POLK: variants seen among roughly 807,000 people sequenced by gnomAD.
POLK encodes the protein polymerase (DNA directed) kappa.
In POLK, 76 loss-of-function variants were observed where a neutral mutation model predicts 94.0. That is an observed-to-expected ratio of 0.81 (90% CI 0.67 to 0.98). POLK has a LOEUF of 0.98. Ranked by LOEUF, POLK falls within the 50% of genes least tolerant of loss-of-function variation. The pLI, the probability that POLK is intolerant of heterozygous loss-of-function variation, is 0.00. For missense variants in POLK, 954 were observed against 1,010.1 expected (o/e 0.94, Z 0.75); for synonymous variants, 349 against 325.4 (o/e 1.07, Z -0.78).
chr5:75,598,003 T>TAAA, exon 15 of POLK: 1 of 1,310,020 alleles, frequency 7.6e-7, no homozygotes. Flanking sequence ...ATACCCTTGA[T>TAAA]ATATTTTTTA....
chr5:75,583,084 G>C (rs1190415683), intron 7 of POLK: 1 of 365,776 alleles, frequency 2.7e-6, no homozygotes, highest in African/African-American at 2.1e-5. Context: ...CATTTTTGCT[G>C]CCACAATGAC....
intron 1 of POLK, among the ~76,000 whole-genome samples, chr5:75,529,683 T>C (rs1387056801): frequency 6.6e-6 from 1 of 152,126 alleles, no homozygotes; most frequent in African/African-American, 2.4e-5. Context: ...TACACAGATG[T>C]GGAACCCATG....
At chr5:75,547,287 A>G (rs1580987041) in intron 2 of POLK, 130 bp downstream of exon 2, 1 of 310,774 alleles carries the variant, frequency 3.2e-6, no homozygotes, top group East Asian at 6.2e-5. Flanking sequence ...TTAAACTACA[A>G]AAGGGTATGG....
At chr5:75,577,157 G>A (rs1771927616) in intron 6 of POLK, among the ~76,000 whole-genome samples, 1 of 152,174 alleles carries the variant, frequency 6.6e-6, no homozygotes, top group African/African-American at 2.4e-5. Context: ...AAATCTCTGA[G>A]CTTAAGAGTC....
In POLK at chr5:75,597,686, C is replaced by A. The variant is rs569611246; in HGVS notation, c.2486-61C>A. 35 of 973,946 alleles carry A rather than the reference C, an allele frequency of 3.6e-5. No individual in the cohort carries two copies. The East Asian group carries it at 8.6e-4, about 24-fold the overall frequency. 60.3% of individuals were successfully genotyped at this position (973,946 alleles called of 1,614,324 possible). The stretch of plus-strand genomic sequence containing the variant: ...AGTTTTAACTTTTTAAATTTGTATA[C>A]AACTTTTTAATTATTTCATATTATT... On this transcript the variant is annotated intron_variant, in intron 13 of 14. Transcript: ENST00000241436.
chr5:75,555,792 G>A (rs1215018832), intron 3 of POLK, among the ~76,000 whole-genome samples: 6 of 152,080 alleles, frequency 3.9e-5, no homozygotes, highest in South Asian at 2.1e-4. Context: ...CATGTCATCC[G>A]CCTGCCTCAG....
At chr5:75,601,796 T>G (rs548447620), downstream of POLK, among the ~76,000 whole-genome samples, 49 of 152,314 alleles carry the variant, frequency 3.2e-4, no homozygotes, top group African/African-American at 1.1e-3. Flanking sequence ...ACTGGCTTCC[T>G]GGCTTCTCAG....
chr5:75,530,812 T>A (rs906620373), intron 1 of POLK, among the ~76,000 whole-genome samples: 1 of 146,316 alleles, frequency 6.8e-6, no homozygotes, highest in Non-Finnish European at 1.5e-5. Flanking sequence ...TTTCTTTTCT[T>A]TTTTTTTTTT....
chr5:75,553,091 A>G (rs903132374), intron 3 of POLK, among the ~76,000 whole-genome samples: 1 of 152,212 alleles, frequency 6.6e-6, no homozygotes, highest in African/African-American at 2.4e-5. Context: ...CCAAATGTAC[A>G]TGAACTTTTA....
chr5:75,520,779 G>T (rs549714467), intron 1 of POLK, among the ~76,000 whole-genome samples: 2 of 152,122 alleles, frequency 1.3e-5, no homozygotes, highest in Admixed American at 6.5e-5. Context: ...ACTCCCTTTA[G>T]TGTTTCTTGT....
At chr5:75,510,835 C>G (rs1263903630), upstream of POLK, among the ~76,000 whole-genome samples, 3 of 152,190 alleles carry the variant, frequency 2.0e-5, no homozygotes, top group Non-Finnish European at 4.4e-5. Flanking sequence ...GGGACAGCTG[C>G]CGCCCTAAGT....
At chr5:75,559,505 G>GTTTTTTTTTTTTTTTTTTTTTTTTTTTT (rs1561371144) in intron 3 of POLK, among the ~76,000 whole-genome samples, 1 of 70,080 alleles carries the variant, frequency 1.4e-5, no homozygotes, top group Non-Finnish European at 3.3e-5. Flanking sequence ...TTTGGGGTTT[G>GTTTTTTTTTTTTTTTTTTTTTTTTTTTT]TTTTTTTGTT....
exon 13 of POLK, chr5:75,596,382 T>C: frequency 1.2e-6 from 2 of 1,613,748 alleles, no homozygotes; most frequent in South Asian, 1.1e-5. Context: ...AAATGTCTCA[T>C]AAGAAGAGTT....
chr5:75,510,820 C>T (rs991591879), upstream of POLK, among the ~76,000 whole-genome samples: 2 of 152,176 alleles, frequency 1.3e-5, no homozygotes, highest in African/African-American at 4.8e-5. Context: ...GGATTCCTTA[C>T]ACCCGGGACA....
chr5:75,579,456 G>T (rs1159896157), intron 6 of POLK, among the ~76,000 whole-genome samples: 1 of 151,426 alleles, frequency 6.6e-6, no homozygotes, highest in East Asian at 2.0e-4. Context: ...TGCAACCTCT[G>T]CCTCCTGGGT....
intron 2 of POLK, among the ~76,000 whole-genome samples, chr5:75,548,667 A>G (rs1307577839): frequency 1.3e-5 from 2 of 151,896 alleles, no homozygotes; most frequent in East Asian, 3.9e-4. Flanking sequence ...ATGCGTGGTG[A>G]TGTCCACAGC....
At chr5:75,530,794 T>G (rs1769136598) in intron 1 of POLK, among the ~76,000 whole-genome samples, 1 of 151,568 alleles carries the variant, frequency 6.6e-6, no homozygotes, top group Non-Finnish European at 1.5e-5. Flanking sequence ...CTCTTGAAAT[T>G]TTTTTCTTTT....
At chr5:75,564,388 C>T (rs1032285652) in intron 3 of POLK, among the ~76,000 whole-genome samples, 8 of 152,014 alleles carry the variant, frequency 5.3e-5, no homozygotes, top group Non-Finnish European at 1.2e-4. Flanking sequence ...TCCAATTTGC[C>T]AGTCTGTGTC....
At chr5:75,540,951 T>A (rs941044162) in intron 1 of POLK, among the ~76,000 whole-genome samples, 1 of 152,170 alleles carries the variant, frequency 6.6e-6, no homozygotes, top group South Asian at 2.1e-4. Context: ...CCTGGAAGGC[T>A]TTTTATAAAA....
Sources: allele counts gnomAD v4.1 joint callset (sites outside exome capture counted in the v4.1 genomes callset), GRCh38; gene constraint gnomAD v4.1.1; transcripts MANE v1.5; gene names NCBI Gene and HGNC (gene_info 2026-07-23, HGNC 2026-07-21).